Variants in DPYD observed in about 807,000 individuals in gnomAD.
DPYD encodes the protein dihydropyrimidine dehydrogenase.
In DPYD, 109 loss-of-function variants were observed where a neutral mutation model predicts 116.2. The observed-to-expected ratio is 0.94, with a 90% CI of 0.80 to 1.10. The LOEUF is 1.10. DPYD is among the 50% of genes least tolerant of loss of function. The probability of loss-of-function intolerance (pLI) is 0.00; values close to 1 mark genes in which losing one functional copy is unlikely to be tolerated. For synonymous variants in DPYD, 440 were observed against 432.0 expected (o/e 1.02, Z -0.23); for missense variants, 1,302 against 1,254.5 (o/e 1.04, Z -0.57).
At chr1:97,414,153 CAT>C (rs1674163254) in intron 14 of DPYD, among the ~76,000 whole-genome samples, 1 of 152,030 alleles carries the variant, frequency 6.6e-6, no homozygotes, top group Admixed American at 6.5e-5. Flanking sequence ...CACACACACA[CAT>C]ATTAAAAATT....
At chr1:97,459,021 C>T (rs1676862726) in intron 13 of DPYD, among the ~76,000 whole-genome samples, 1 of 151,348 alleles carries the variant, frequency 6.6e-6, no homozygotes. Context: ...TCAGATCTAC[C>T]AAAAAATGTA....
At chr1:97,920,339 T>C (rs1674445216) in intron 1 of DPYD, among the ~76,000 whole-genome samples, 1 of 152,202 alleles carries the variant, frequency 6.6e-6, no homozygotes, top group Non-Finnish European at 1.5e-5. Flanking sequence ...TCTGAATACT[T>C]CGTTCCATTC....
At chr1:97,372,842 T>C (rs989153819) in intron 16 of DPYD, among the ~76,000 whole-genome samples, 2 of 152,196 alleles carry the variant, frequency 1.3e-5, no homozygotes, top group African/African-American at 4.8e-5. Context: ...CAGAAATTAC[T>C]ACATTTCACA....
At chr1:97,631,174 T>C (rs1159918518) in intron 8 of DPYD, among the ~76,000 whole-genome samples, 1 of 152,064 alleles carries the variant, frequency 6.6e-6, no homozygotes, top group Admixed American at 6.6e-5. Flanking sequence ...GCTGCCCCAG[T>C]GACTGGATTG....
intron 13 of DPYD, among the ~76,000 whole-genome samples, chr1:97,513,492 T>C (rs1647963690): frequency 6.6e-6 from 1 of 151,804 alleles, no homozygotes; most frequent in African/African-American, 2.4e-5. Flanking sequence ...TTTCATATGA[T>C]AACAAAACCC....
At chr1:97,424,086 C>T (rs1347061755) in intron 14 of DPYD, among the ~76,000 whole-genome samples, 1 of 152,014 alleles carries the variant, frequency 6.6e-6, no homozygotes, top group Admixed American at 6.6e-5. Flanking sequence ...CTAATGATAA[C>T]AAGAGACAAT....
intron 13 of DPYD, among the ~76,000 whole-genome samples, chr1:97,463,361 C>T (rs909993376): frequency 1.3e-5 from 2 of 152,164 alleles, no homozygotes; most frequent in African/African-American, 2.4e-5. Context: ...TGACTTTGTC[C>T]TCCTTGCCTT....
At chr1:97,251,776 G>A (rs930704568) in intron 18 of DPYD, among the ~76,000 whole-genome samples, 1 of 152,066 alleles carries the variant, frequency 6.6e-6, no homozygotes, top group Non-Finnish European at 1.5e-5. Context: ...CCTCTAAATC[G>A]TAACTCTTGA....
At chr1:97,446,586 C>T (rs1676098785) in intron 14 of DPYD, among the ~76,000 whole-genome samples, 1 of 152,156 alleles carries the variant, frequency 6.6e-6, no homozygotes, top group Non-Finnish European at 1.5e-5. Flanking sequence ...ATTTCTCTAA[C>T]AAAGCCATCA....
intron 21 of DPYD, among the ~76,000 whole-genome samples, chr1:97,089,412 C>T (rs572612987): frequency 1.3e-3 from 200 of 152,280 alleles, no homozygotes; most frequent in Middle Eastern, 6.8e-3. Flanking sequence ...AGCGAGGAAA[C>T]GAAACTGCCT....
intron 14 of DPYD, among the ~76,000 whole-genome samples, chr1:97,391,697 C>A (rs983322003): frequency 6.6e-6 from 1 of 151,952 alleles, no homozygotes; most frequent in Non-Finnish European, 1.5e-5. Flanking sequence ...TTATTAGTTG[C>A]CCCATATCTG....
chr1:97,838,062 C>T (rs1279641477), intron 2 of DPYD, among the ~76,000 whole-genome samples: 2 of 152,006 alleles, frequency 1.3e-5, no homozygotes, highest in African/African-American at 2.4e-5. Flanking sequence ...ATCCAAATAT[C>T]AAAAATTATA....
At chr1:97,217,581 T>C (rs1660495381) in intron 19 of DPYD, among the ~76,000 whole-genome samples, 1 of 152,058 alleles carries the variant, frequency 6.6e-6, no homozygotes, top group Non-Finnish European at 1.5e-5. Context: ...TCAAAATAAA[T>C]GTGTGCCCAA....
At position 97,313,335 on chromosome 1, in the gene DPYD, T is replaced by C. The variant is rs12563974; in HGVS notation, c.2059-7038A>G. 1.8e-3 allele frequency among the ~76,000 whole-genome samples: 273 copies of C among 152,098 alleles called. 9 individuals are homozygous for C. The East Asian group carries it at 0.051, about 28-fold the overall frequency. On this transcript the variant is annotated intron_variant, in intron 16 of 22. Coordinates refer to ENST00000370192, the MANE Select transcript of DPYD (RefSeq NM_000110.4). ...ATAGATAACTGTTTTAGGTACTATATTGGATAATACAGATTTAGAGATATG... is the reference window on the plus strand; with the variant it reads ...ATAGATAACTGTTTTAGGTACTATACTGGATAATACAGATTTAGAGATATG...
chr1:97,390,242 G>GTT (rs1672620987), intron 14 of DPYD, among the ~76,000 whole-genome samples: 1 of 151,954 alleles, frequency 6.6e-6, no homozygotes, highest in Admixed American at 6.6e-5. Context: ...AAATTTTTTA[G>GTT]TAGGGAAAAA....
chr1:97,315,482 C>T (rs1051190098), intron 16 of DPYD, among the ~76,000 whole-genome samples: 1 of 151,920 alleles, frequency 6.6e-6, no homozygotes, highest in Non-Finnish European at 1.5e-5. Context: ...TTTTTCCTTT[C>T]ACAAGCATTT....
At chr1:97,642,728 T>C (rs1658004168) in intron 8 of DPYD, among the ~76,000 whole-genome samples, 2 of 96,226 alleles carry the variant, frequency 2.1e-5, no homozygotes, top group Admixed American at 3.0e-4. Flanking sequence ...CTGGGGACTG[T>C]TGTGGGGTGG....
chr1:97,507,519 T>C (rs941794381), intron 13 of DPYD, among the ~76,000 whole-genome samples: 3 of 152,008 alleles, frequency 2.0e-5, no homozygotes, highest in African/African-American at 7.2e-5. Context: ...CAGTTTTATT[T>C]AATCTTTTTA....
chr1:97,442,300 T>C (rs190528672), intron 14 of DPYD, among the ~76,000 whole-genome samples: 2 of 151,316 alleles, frequency 1.3e-5, no homozygotes, highest in African/African-American at 2.4e-5. Flanking sequence ...TTGTTTCATG[T>C]ATATTCTAAG....
Sources: gnomAD v4.1 joint callset for allele counts (sites outside exome capture counted in the v4.1 genomes callset) on GRCh38, gnomAD v4.1.1 for gene constraint, MANE v1.5 for transcripts, NCBI Gene and HGNC (gene_info 2026-07-23, HGNC 2026-07-21) for gene names.